BET1: variants seen among roughly 807,000 people sequenced by gnomAD.
BET1 encodes the protein Bet1 golgi vesicular membrane trafficking protein.
A neutral mutation model predicts 13.9 loss-of-function variants in BET1; 9 were observed. The observed-to-expected ratio is 0.65, with a 90% CI of 0.39 to 1.13. The LOEUF is 1.13. Among genes scored for constraint, BET1 ranks in the 50% most tolerant of loss-of-function variants. The probability of loss-of-function intolerance (pLI) is 0.01; values close to 1 mark genes in which losing one functional copy is unlikely to be tolerated. For missense variants in BET1, 127 were observed against 133.6 expected, an observed-to-expected ratio of 0.95 and a Z score of 0.24; for synonymous variants, 39 against 47.3, an observed-to-expected ratio of 0.82 and a Z score of 0.72.
chr7:93,974,626 G>A (rs930147826), intron 5 of BET1, among the ~76,000 whole-genome samples: 2 of 151,922 alleles, frequency 1.3e-5, no homozygotes, highest in African/African-American at 2.4e-5. Flanking sequence ...ATAAAGATAA[G>A]TATTTGAGTA....
In BET1 at chr7:93,993,386, A is replaced by G; in HGVS notation, c.*844T>C. 1.0e-6 allele frequency: 1 copy of G among 977,834 alleles called. No individual in the cohort carries two copies. The highest frequency in any genetic ancestry group is 1.2e-6 in the Non-Finnish European group (1 of 822,634). The allele number at this position is 977,834 out of a possible 1,614,324, so 60.6% of individuals were successfully genotyped here. ...TGTGTTTTTCTTTCCATAAACAAAT[A>G]CACTGGATTAAAGCAATAATACTCT... On this transcript the variant is annotated 3_prime_UTR_variant, in exon 4 of 4. Coordinates refer to ENST00000222547, the MANE Select transcript of BET1 (RefSeq NM_005868.6).
exon 7 of BET1, chr7:93,964,073 A>T (rs939936194): frequency 1.3e-5 from 2 of 151,998 alleles, no homozygotes; most frequent in Non-Finnish European, 1.5e-5. Flanking sequence ...CTCAAAAAAT[A>T]AGTAAATAAA....
Position 93,971,305 on chromosome 7 carries a change from A to T in BET1, c.*137+1270T>A, listed in dbSNP as rs373691296. On this transcript the variant is annotated intron_variant and NMD_transcript_variant, in intron 6 of 6. Transcript: ENST00000357520. ...TGCCCTTTTTGGTGAAACAGGTACC[A>T]TATAATGAAGCTCAAATCTAATAGT... Among the ~76,000 whole-genome samples the T allele has an allele frequency of 6.6e-5, 10 of 151,960 alleles. No homozygotes were observed. The East Asian group carries it at 9.7e-4, about 15-fold the overall frequency.
At chr7:93,987,641 G>A (rs1398651720) in intron 4 of BET1, among the ~76,000 whole-genome samples, 2 of 152,136 alleles carry the variant, frequency 1.3e-5, no homozygotes, top group Admixed American at 1.3e-4. Context: ...AGTGTGCATG[G>A]TGCTAGGGAG....
At chr7:93,963,899 C>T (rs534179799) in exon 7 of BET1, 1 of 152,080 alleles carries the variant, frequency 6.6e-6, no homozygotes, top group South Asian at 2.1e-4. Context: ...AACCCCGTCT[C>T]TACTAAAAAT....
At chr7:93,983,438 T>C (rs1335821583) in intron 4 of BET1, among the ~76,000 whole-genome samples, 2 of 152,184 alleles carry the variant, frequency 1.3e-5, no homozygotes, top group Non-Finnish European at 2.9e-5. Context: ...TGCAATATTT[T>C]AGGGGATTAA....
At chr7:93,985,032 G>T (rs1247825347) in intron 4 of BET1, among the ~76,000 whole-genome samples, 2 of 152,044 alleles carry the variant, frequency 1.3e-5, no homozygotes, top group African/African-American at 4.8e-5. Flanking sequence ...TGAAAATTCA[G>T]AATTTTTAAT....
At position 93,997,106 on chromosome 7, in the gene BET1, C is replaced by T. The variant is rs150608536; in HGVS notation, c.145-785G>A. 2.0e-3 allele frequency among the ~76,000 whole-genome samples: 303 copies of T among 152,182 alleles called. 1 individual carries two copies. The highest frequency in any genetic ancestry group is 6.5e-3 in the African/African-American group (269 of 41,548). ...ACTATAGCTAATTATGACAACTATT[C>T]AAACCAAAATCTATCTAATACTTTA... On this transcript the variant is annotated intron_variant, in intron 2 of 3. Coordinates refer to ENST00000222547, the MANE Select transcript of BET1 (RefSeq NM_005868.6).
intron 5 of BET1, among the ~76,000 whole-genome samples, chr7:93,974,550 CA>C (rs1207648153): frequency 6.6e-6 from 1 of 151,604 alleles, no homozygotes; most frequent in Non-Finnish European, 1.5e-5. Flanking sequence ...GAAAAATTTA[CA>C]AAAAGAAAAA....
chr7:93,977,260 A>C (rs1795354900), intron 4 of BET1, among the ~76,000 whole-genome samples: 1 of 152,080 alleles, frequency 6.6e-6, no homozygotes, highest in Non-Finnish European at 1.5e-5. Context: ...CAGGAGTTTG[A>C]GATCAGCCTG....
chr7:93,980,814 G>A (rs1795414756), intron 4 of BET1, among the ~76,000 whole-genome samples: 1 of 152,164 alleles, frequency 6.6e-6, no homozygotes. Context: ...CAGAAAGGAA[G>A]AAGTAAAACT....
downstream of BET1, chr7:93,992,617 G>A: frequency 1.0e-6 from 1 of 985,208 alleles, no homozygotes; most frequent in Non-Finnish European, 1.2e-6. Flanking sequence ...CCTACTTGGA[G>A]GTATTTCATC....
downstream of BET1, chr7:93,992,139 G>C (rs1035222994): frequency 7.1e-6 from 7 of 985,222 alleles, no homozygotes; most frequent in East Asian, 7.9e-4. Context: ...CAGACACAGT[G>C]ATGTGAAGGA....
chr7:93,989,063 G>A (rs969417906), downstream of BET1, among the ~76,000 whole-genome samples: 1 of 151,002 alleles, frequency 6.6e-6, no homozygotes, highest in Non-Finnish European at 1.5e-5. Context: ...ACCCAGGCTG[G>A]AGTGCAGTGG....
chr7:93,993,156 T>C, downstream of BET1: 1 of 985,024 alleles, frequency 1.0e-6, no homozygotes, highest in Non-Finnish European at 1.2e-6. Flanking sequence ...AATACAAATA[T>C]TAACTTTGCT....
At chr7:93,992,776 A>G, downstream of BET1, 1 of 902,642 alleles carries the variant, frequency 1.1e-6, no homozygotes, top group Non-Finnish European at 1.3e-6. Flanking sequence ...TCTCACAACT[A>G]TCCTATGAAA....
chr7:93,968,001 C>T (rs1460925788), intron 6 of BET1, among the ~76,000 whole-genome samples: 2 of 151,666 alleles, frequency 1.3e-5, no homozygotes, highest in African/African-American at 4.8e-5. Flanking sequence ...AATGACATCC[C>T]ATTTTATCCT....
chr7:93,981,163 C>G (rs1795421615), intron 4 of BET1, among the ~76,000 whole-genome samples: 1 of 152,102 alleles, frequency 6.6e-6, no homozygotes, highest in Non-Finnish European at 1.5e-5. Flanking sequence ...ACAAATTCAG[C>G]CTACCTTTGT....
chr7:94,003,080 G>A (rs1334832450), intron 1 of BET1, among the ~76,000 whole-genome samples: 1 of 152,058 alleles, frequency 6.6e-6, no homozygotes, highest in Non-Finnish European at 1.5e-5. Flanking sequence ...TGTATACCTA[G>A]AGCTTACTCA....
Sources: allele counts gnomAD v4.1 joint callset (sites outside exome capture counted in the v4.1 genomes callset), GRCh38; gene constraint gnomAD v4.1.1; transcripts MANE v1.5; gene names NCBI Gene and HGNC (gene_info 2026-07-23, HGNC 2026-07-21).